ANKMY1: variants seen among roughly 807,000 people sequenced by gnomAD.
The protein encoded by ANKMY1 is ankyrin repeat and MYND domain-containing protein 1.
A neutral mutation model predicts 102.0 loss-of-function variants in ANKMY1; 98 were observed. The observed-to-expected ratio is 0.96, with a 90% CI of 0.82 to 1.14. ANKMY1 has a LOEUF of 1.14. Ranked by LOEUF, ANKMY1 falls within the 50% of genes most tolerant of loss-of-function variation. The pLI, the probability that ANKMY1 is intolerant of heterozygous loss-of-function variation, is 0.00. For missense variants in ANKMY1, 1,330 were observed against 1,347.6 expected (o/e 0.99, Z 0.20); for synonymous variants, 582 against 559.9 (o/e 1.04, Z -0.56).
chr2:240,555,736 A>C (rs1321916132), intron 2 of ANKMY1, among the ~76,000 whole-genome samples: 1 of 151,932 alleles, frequency 6.6e-6, no homozygotes, highest in African/African-American at 2.4e-5. Context: ...TCACAGACGG[A>C]CGTGGCATCT....
Position 240,511,861 on chromosome 2 carries a change from CTTG to C in ANKMY1, c.2283_2285del (p.Asn761del). On this transcript the variant is annotated inframe_deletion and splice_region_variant, in exon 11 of 18. Coordinates refer to ENST00000401804, the MANE Select transcript of ANKMY1 (RefSeq NM_001282771.3). ...CCCGCCAGGCCCTGGCTGCCCTCAC[CTTG>C]TTGTCATCCTCCCGCTCGCAGGCCA... 4 of 1,585,672 alleles carry C rather than the reference CTTG, an allele frequency of 2.5e-6. No homozygotes were observed. The highest frequency in any genetic ancestry group is 3.4e-6 in the Non-Finnish European group (4 of 1,173,762).
intron 13 of ANKMY1, among the ~76,000 whole-genome samples, chr2:240,503,597 G>A (rs1464459417): frequency 6.6e-6 from 1 of 152,164 alleles, no homozygotes; most frequent in African/African-American, 2.4e-5. Context: ...CAGGAGGCCT[G>A]GTGACCCCAG....
chr2:240,538,255 C>T (rs925924014), intron 4 of ANKMY1, among the ~76,000 whole-genome samples: 1 of 152,144 alleles, frequency 6.6e-6, no homozygotes, highest in African/African-American at 2.4e-5. Context: ...GGAGCCGGCT[C>T]CCTCTGCTTG....
chr2:240,541,407 T>G (rs922268873), intron 4 of ANKMY1, among the ~76,000 whole-genome samples: 8 of 152,214 alleles, frequency 5.3e-5, no homozygotes, highest in African/African-American at 1.9e-4. Context: ...TGATATTCTT[T>G]TGTAATACTT....
rs1203936038 is a variant in ANKMY1, at chr2:240,499,114, AGTGGGGGACT to A, written c.2806+834_2806+843del. ...TGGGAAGGCACCTGGGGTGTTGCTC[AGTGGGGGACT>A]GTGTGAGGCTGCAGGAGGCTACTGC... On this transcript the variant is annotated intron_variant, in intron 15 of 17. Coordinates refer to ENST00000401804, the MANE Select transcript of ANKMY1 (RefSeq NM_001282771.3). This position sits in a 1 kb window ranked among gnomAD's most constrained non-coding sequence, Gnocchi z 4.2. Among the ~76,000 whole-genome samples, 1 of 151,908 alleles carries A rather than the reference AGTGGGGGACT, an allele frequency of 6.6e-6. No individual in the cohort carries two copies. The highest frequency in any genetic ancestry group is 1.5e-5 in the Non-Finnish European group (1 of 67,936).
At chr2:240,481,155 C>G (rs1176358055) in intron 16 of ANKMY1, 58 bp from the exon 17 acceptor site, 6 of 1,569,264 alleles carry the variant, frequency 3.8e-6, no homozygotes, top group Non-Finnish European at 5.2e-6. Flanking sequence ...TCCCCACAAA[C>G]AGCCGCTGCC....
At position 240,509,418 on chromosome 2, in the gene ANKMY1, C is replaced by T. The variant is rs2079703238; in HGVS notation, c.2324G>A (p.Gly775Glu). The T allele has an allele frequency of 6.8e-6, 11 of 1,613,672 alleles. No individual in the cohort carries two copies. The highest frequency in any genetic ancestry group is 9.3e-6 in the Non-Finnish European group (11 of 1,179,852). Reference protein sequence around the residue: ...RDIVRLLLSHGANPNLLWSGH... With the variant: ...RDIVRLLLSHEANPNLLWSGH... ...ACTCCACAGCAGGTTAGGATTTGCT[C>T]CGTGGGATAGAAGGAGCCGGACTAT... Residue 775 changes from glycine (G) to glutamate (E), a missense_variant, in exon 12 of 18, where the codon GGA becomes GAA. Transcript: ENST00000401804.
intron 9 of ANKMY1, among the ~76,000 whole-genome samples, chr2:240,513,197 G>T (rs528470755): frequency 3.3e-5 from 5 of 152,140 alleles, no homozygotes; most frequent in Admixed American, 1.3e-4. Context: ...AGGTAGGAAG[G>T]CCCACCCTGA....
At position 240,505,853 on chromosome 2, in the gene ANKMY1, G is replaced by C. The variant is rs116382284; in HGVS notation, c.2526+1707C>G. On this transcript the variant is annotated intron_variant, in intron 13 of 17. Coordinates refer to ENST00000401804, the MANE Select transcript of ANKMY1 (RefSeq NM_001282771.3). ...GGATGCCCCAGAAAGCCAGGCAGGA[G>C]TCAGGGCCAGGATCACAGCAAAGGA... 9.6e-3 allele frequency among the ~76,000 whole-genome samples: 1,462 copies of C among 152,284 alleles called. 15 individuals carry two copies. Among genetic ancestry groups the C allele is most frequent in the African/African-American group, 0.034 (1,399 of 41,536 alleles).
rs1277320767 is a variant in ANKMY1, at chr2:240,483,174, T to C, written c.2807-913A>G. On this transcript the variant is annotated intron_variant, in intron 15 of 17. Coordinates refer to ENST00000401804, the MANE Select transcript of ANKMY1 (RefSeq NM_001282771.3). ...GTATCATCGAATTTTTTTTTTTCTTTTTGAGACAGTCTTGCTCTGTCAGCC... is the reference window on the plus strand; with the variant it reads ...GTATCATCGAATTTTTTTTTTTCTTCTTGAGACAGTCTTGCTCTGTCAGCC... Among the ~76,000 whole-genome samples the C allele has an allele frequency of 5.9e-5, 9 of 152,188 alleles. No homozygotes were observed. The East Asian group carries it at 1.7e-3, about 29-fold the overall frequency.
chr2:240,521,151 G>A (rs778541209), intron 8 of ANKMY1, among the ~76,000 whole-genome samples: 9 of 152,208 alleles, frequency 5.9e-5, no homozygotes, highest in Non-Finnish European at 8.8e-5. Flanking sequence ...CTGGGGGTAG[G>A]GGGCCCAGAT....
chr2:240,544,273 G>T (rs1408731300), intron 4 of ANKMY1, among the ~76,000 whole-genome samples: 1 of 152,184 alleles, frequency 6.6e-6, no homozygotes, highest in Non-Finnish European at 1.5e-5. Context: ...AAAAAAGAAA[G>T]AAAATTTAGG....
chr2:240,482,355 G>T, intron 15 of ANKMY1, 94 bp from the exon 16 acceptor site: 1 of 1,132,352 alleles, frequency 8.8e-7, no homozygotes, highest in Non-Finnish European at 1.3e-6. Context: ...TGTGGTGCCT[G>T]CCTGCACTAC....
At chr2:240,559,679 A>G (rs1014043210), upstream of ANKMY1, among the ~76,000 whole-genome samples, 13 of 152,244 alleles carry the variant, frequency 8.5e-5, no homozygotes, top group Admixed American at 8.5e-4. Context: ...GATGCTGATA[A>G]GACCTCCACG....
intron 4 of ANKMY1, chr2:240,532,233 C>A: frequency 2.8e-6 from 1 of 357,362 alleles, no homozygotes; most frequent in Admixed American, 4.0e-5. Flanking sequence ...TTCTCAACAG[C>A]AAAGATGGAA....
intron 5 of ANKMY1, chr2:240,527,084 ATGGG>A: frequency 7.0e-6 from 3 of 428,048 alleles, no homozygotes; most frequent in Non-Finnish European, 9.2e-6. Flanking sequence ...GGATGAATGG[ATGGG>A]TGGGTGGATG....
At chr2:240,500,661 C>T in intron 13 of ANKMY1, 96 bp from the exon 14 acceptor site, 2 of 1,061,624 alleles carry the variant, frequency 1.9e-6, no homozygotes, top group Non-Finnish European at 2.8e-6. Context: ...CACCTGCAGT[C>T]CCCACCAAGG....
At chr2:240,471,154 C>T in the ANKMY1 span, among the ~76,000 whole-genome samples, 29 of 151,614 alleles carry the variant, frequency 1.9e-4, 1 homozygote, top group Admixed American at 1.9e-3. Flanking sequence ...TGGCTGGTGA[C>T]AAAAGATAAT....
chr2:240,560,700 G>A (rs764138760), upstream of ANKMY1: 1 of 1,528,674 alleles, frequency 6.5e-7, no homozygotes, highest in Non-Finnish European at 8.7e-7. Context: ...ACCGGCAGAA[G>A]CTGGGCGCCG....
Sources: allele counts gnomAD v4.1 joint callset (sites outside exome capture counted in the v4.1 genomes callset), GRCh38; gene constraint gnomAD v4.1.1; non-coding constraint Gnocchi (gnomAD v3.1); transcripts MANE v1.5; gene names NCBI Gene and HGNC (gene_info 2026-07-23, HGNC 2026-07-21).